SLIT3: variants seen among roughly 807,000 people sequenced by gnomAD.
SLIT3 encodes slit guidance ligand 3, also known as slit homolog 3 protein.
In SLIT3, 68 loss-of-function variants were observed where a neutral mutation model predicts 184.0. The ratio of observed to expected loss-of-function variants is 0.37; its 90% CI spans 0.30 to 0.45. The LOEUF is 0.45. Among genes scored for constraint, SLIT3 ranks in the 20% least tolerant of loss-of-function variants. The pLI, the probability that SLIT3 is intolerant of heterozygous loss-of-function variation, is 1.00. For synonymous variants in SLIT3, 831 were observed against 828.6 expected (o/e 1.00, Z -0.05); for missense variants, 1,707 against 2,026.0 (o/e 0.84, Z 3.02).
chr5:169,075,757 C>A (rs1202750840), intron 4 of SLIT3, among the ~76,000 whole-genome samples: 1 of 152,238 alleles, frequency 6.6e-6, no homozygotes, highest in Non-Finnish European at 1.5e-5. Flanking sequence ...CAAAATCCTA[C>A]ATGATCTGGC....
chr5:169,137,316 A>C (rs1355051360), intron 4 of SLIT3, among the ~76,000 whole-genome samples: 1 of 124,594 alleles, frequency 8.0e-6, no homozygotes. Context: ...ACACACACAC[A>C]CACACACACA....
chr5:168,971,806 C>T (rs1403242542), intron 4 of SLIT3, among the ~76,000 whole-genome samples: 1 of 152,232 alleles, frequency 6.6e-6, no homozygotes, highest in African/African-American at 2.4e-5. Context: ...CACCTTCTCT[C>T]TCACCCTCCC....
intron 4 of SLIT3, among the ~76,000 whole-genome samples, chr5:169,116,854 T>C (rs1760685208): frequency 6.6e-6 from 1 of 152,206 alleles, no homozygotes; most frequent in African/African-American, 2.4e-5. Flanking sequence ...TACTTGTTTA[T>C]AGGGAATCTA....
chr5:169,099,574 GC>G (rs1190666428), intron 4 of SLIT3, among the ~76,000 whole-genome samples: 1 of 152,150 alleles, frequency 6.6e-6, no homozygotes, highest in Admixed American at 6.5e-5. Flanking sequence ...ATGATTATTA[GC>G]CCTATCTTAC....
At chr5:168,942,034 G>C (rs1228763324) in intron 4 of SLIT3, among the ~76,000 whole-genome samples, 1 of 152,162 alleles carries the variant, frequency 6.6e-6, no homozygotes, top group East Asian at 1.9e-4. Flanking sequence ...GGGATGAAAG[G>C]GAGGAGTGGG....
chr5:169,220,001 G>T (rs111499704), intron 3 of SLIT3, among the ~76,000 whole-genome samples: 2 of 152,138 alleles, frequency 1.3e-5, no homozygotes, highest in African/African-American at 2.4e-5. Flanking sequence ...TTCAGCTCAC[G>T]TCTGCTCACT....
At chr5:169,110,652 G>A (rs1423335020) in intron 4 of SLIT3, among the ~76,000 whole-genome samples, 1 of 152,156 alleles carries the variant, frequency 6.6e-6, no homozygotes, top group African/African-American at 2.4e-5. Context: ...ATTTCCAAAT[G>A]AGGTAACATT....
intron 8 of SLIT3, among the ~76,000 whole-genome samples, chr5:168,808,372 T>G (rs1478524854): frequency 6.6e-6 from 1 of 152,124 alleles, no homozygotes; most frequent in Non-Finnish European, 1.5e-5. Context: ...TCCTACTGCC[T>G]CTATCTGATT....
At chr5:168,874,077 T>A (rs942471897) in intron 5 of SLIT3, among the ~76,000 whole-genome samples, 1 of 152,284 alleles carries the variant, frequency 6.6e-6, no homozygotes, top group South Asian at 2.1e-4. Flanking sequence ...CCAGAGTATA[T>A]AAAAGACAGG....
At chr5:169,193,227 G>A (rs537677600) in intron 4 of SLIT3, among the ~76,000 whole-genome samples, 5 of 152,278 alleles carry the variant, frequency 3.3e-5, no homozygotes, top group East Asian at 3.9e-4. Context: ...TCCTTGCAAG[G>A]CAACGATGGA....
intron 4 of SLIT3, among the ~76,000 whole-genome samples, chr5:168,904,876 G>T (rs959683405): frequency 2.0e-5 from 3 of 152,214 alleles, no homozygotes; most frequent in Admixed American, 1.3e-4. Flanking sequence ...TACAAAGATG[G>T]TGATATCCGG....
chr5:168,760,948 G>A lies in SLIT3; in HGVS notation c.1611-12C>T, dbSNP rs1353620106. 1.9e-6 allele frequency: 3 copies of A among 1,607,050 alleles called. No homozygotes were observed. The highest frequency in any genetic ancestry group is 2.2e-5 in the East Asian group (1 of 44,830). On this transcript the variant is annotated splice_polypyrimidine_tract_variant and intron_variant, in intron 15 of 35. Coordinates refer to ENST00000519560, the MANE Select transcript of SLIT3 (RefSeq NM_003062.4). ...TGTCATTCAGTCGCCTGTGTAGGAAGCAAGATGAGTGGTAGGTTAGCTGTG... is the reference window on the plus strand; with the variant it reads ...TGTCATTCAGTCGCCTGTGTAGGAAACAAGATGAGTGGTAGGTTAGCTGTG...
chr5:169,156,294 T>C (rs1238573547), intron 4 of SLIT3, among the ~76,000 whole-genome samples: 1 of 152,178 alleles, frequency 6.6e-6, no homozygotes, highest in Admixed American at 6.5e-5. Context: ...TCCTCTAAGA[T>C]AAATGCCTCC....
At chr5:169,172,484 A>C (rs146199677) in intron 4 of SLIT3, among the ~76,000 whole-genome samples, 1 of 152,348 alleles carries the variant, frequency 6.6e-6, no homozygotes, top group Non-Finnish European at 1.5e-5. Flanking sequence ...GCATATTAAC[A>C]TGGTAAATAC....
At chr5:168,846,819 C>G (rs772582467) in intron 5 of SLIT3, among the ~76,000 whole-genome samples, 21 of 151,870 alleles carry the variant, frequency 1.4e-4, no homozygotes, top group Non-Finnish European at 2.2e-4. Flanking sequence ...TTTGAGAACA[C>G]CAGAAATCAA....
rs1754561950 is a variant in SLIT3, at chr5:168,748,288, C to T, written c.2270+14G>A. 5 of 1,457,400 alleles carry T rather than the reference C, an allele frequency of 3.4e-6. No homozygotes were observed. The highest frequency in any genetic ancestry group is 1.5e-5 in the South Asian group (1 of 66,480). 90.3% of individuals were successfully genotyped at this position (1,457,400 alleles called of 1,614,324 possible). On this transcript the variant is annotated intron_variant, in intron 20 of 35. Coordinates refer to ENST00000519560, the MANE Select transcript of SLIT3 (RefSeq NM_003062.4). Reference sequence around the variant, plus strand: ...GAGATGACAGGGTGCTTGGAGGCAGCTGGGGGTACTTACAGCTCGGTCACA... The same window carrying T: ...GAGATGACAGGGTGCTTGGAGGCAGTTGGGGGTACTTACAGCTCGGTCACA...
At chr5:169,129,796 T>C (rs1040447186) in intron 4 of SLIT3, among the ~76,000 whole-genome samples, 2 of 152,232 alleles carry the variant, frequency 1.3e-5, no homozygotes, top group Non-Finnish European at 2.9e-5. Context: ...TTAATAGTAA[T>C]ATACAAATGC....
chr5:169,081,050 C>G (rs768336909), intron 4 of SLIT3, among the ~76,000 whole-genome samples: 2 of 152,220 alleles, frequency 1.3e-5, no homozygotes, highest in Non-Finnish European at 1.5e-5. Flanking sequence ...CAGGGCTCCC[C>G]GCTCCAGCTC....
chr5:169,241,033 T>C (rs1243222922), intron 3 of SLIT3, among the ~76,000 whole-genome samples: 1 of 152,174 alleles, frequency 6.6e-6, no homozygotes, highest in East Asian at 1.9e-4. Flanking sequence ...GTTTCTATTC[T>C]ATTCTAAGCT....
Sources: allele counts gnomAD v4.1 joint callset (sites outside exome capture counted in the v4.1 genomes callset), GRCh38; gene constraint gnomAD v4.1.1; transcripts MANE v1.5; gene names NCBI Gene and HGNC (gene_info 2026-07-23, HGNC 2026-07-21).